Variants in FETUB observed in about 807,000 individuals in gnomAD.
The protein encoded by FETUB is fetuin B.
A neutral mutation model predicts 30.9 loss-of-function variants in FETUB; 28 were observed. That is an observed-to-expected ratio of 0.90 (90% CI 0.67 to 1.24). The LOEUF is 1.24. Ranked by LOEUF, FETUB falls within the 50% of genes most tolerant of loss-of-function variation. The pLI is 0.00. For synonymous variants in FETUB, 186 were observed against 175.9 expected, an observed-to-expected ratio of 1.06 and a Z score of -0.45; for missense variants, 469 against 455.3, an observed-to-expected ratio of 1.03 and a Z score of -0.27.
At chr3:186,640,973 C>T in intron 1 of FETUB, 57 bp from the exon 2 acceptor site, 8 of 1,149,714 alleles carry the variant, frequency 7.0e-6, no homozygotes, top group Admixed American at 1.9e-5. Context: ...TTTGTGTGGT[C>T]TTTCTAGGTT....
chr3:186,646,407 T>C, intron 5 of FETUB, 58 bp downstream of exon 5: 1 of 1,285,464 alleles, frequency 7.8e-7, no homozygotes, highest in Non-Finnish European at 1.1e-6. Context: ...TCTAAGTGTT[T>C]GTGGAGCATA....
At chr3:186,651,444 A>C in intron 6 of FETUB, 143 bp downstream of exon 6, 1 of 650,566 alleles carries the variant, frequency 1.5e-6, no homozygotes, top group Admixed American at 2.3e-5. Context: ...CCACATCCAC[A>C]GGATAGCCAG....
chr3:186,651,884 A>T, intron 6 of FETUB: 1 of 171,150 alleles, frequency 5.8e-6, no homozygotes, highest in Non-Finnish European at 1.3e-5. Context: ...GTGAGAAGCA[A>T]GTGAAAGGAC....
rs1460673430 is a variant in FETUB at position 186,652,847 on chromosome 3, G to C, written c.*216G>C. 5 of 495,314 alleles carry C rather than the reference G, an allele frequency of 1.0e-5. No homozygotes were observed. The highest frequency in any genetic ancestry group is 1.7e-5 in the Non-Finnish European group (5 of 286,220). The allele number at this position is 495,314 out of a possible 1,614,324, so 30.7% of individuals were successfully genotyped here. ...TACCCTGTACACTGCCTTGTACCCTGAGCTGCATCACCTCCTAAACTGAGC... is the reference window on the plus strand; with the variant it reads ...TACCCTGTACACTGCCTTGTACCCTCAGCTGCATCACCTCCTAAACTGAGC... On this transcript the variant is annotated 3_prime_UTR_variant, in exon 7 of 7. Transcript: ENST00000265029.
chr3:186,641,620 T>C (rs1717064268), intron 2 of FETUB: 1 of 152,834 alleles, frequency 6.5e-6, no homozygotes, highest in Admixed American at 6.5e-5. Flanking sequence ...CGTGTAAGGA[T>C]TTCCTGAAAC....
In FETUB at chr3:186,652,200, TG is replaced by T. The variant is rs1718102382; in HGVS notation, c.781-61del. 19 of 1,506,984 alleles carry T rather than the reference TG, an allele frequency of 1.3e-5. No homozygotes were observed. In the South Asian group the frequency reaches 2.1e-4, roughly 16 times the overall value. The allele number at this position is 1,506,984 out of a possible 1,614,324, so 93.4% of individuals were successfully genotyped here. On this transcript the variant is annotated intron_variant, in intron 6 of 6. Transcript: ENST00000265029. Reference sequence around the variant, plus strand: ...CAGAAAGGCACAGATCAGCTTAGGCTGGTACTAGGCATGGGAGGACTTTCCC... The same window carrying T: ...CAGAAAGGCACAGATCAGCTTAGGCTGTACTAGGCATGGGAGGACTTTCCC...
chr3:186,640,363 G>C, upstream of FETUB: 5 of 902,924 alleles, frequency 5.5e-6, no homozygotes, highest in South Asian at 7.3e-5. Flanking sequence ...CCTTCCAGTT[G>C]TAACAAAACC....
chr3:186,651,304 AT>A lies in FETUB; in HGVS notation c.780+8del. 1 of 1,591,748 alleles carries A rather than the reference AT, an allele frequency of 6.3e-7. No homozygotes were observed. The highest frequency in any genetic ancestry group is 1.3e-5 in the African/African-American group (1 of 74,646). On this transcript the variant is annotated splice_donor_region_variant and intron_variant, in intron 6 of 6. Coordinates refer to ENST00000265029, the MANE Select transcript of FETUB (RefSeq NM_014375.3). The stretch of plus-strand genomic sequence containing the variant: ...CTTGTGACTTCTTTGAATCACAGGT[AT>A]TTTTCAATCTAATTGCCTGTCTTTC...
At chr3:186,648,801 T>C (rs1008617992) in intron 5 of FETUB, among the ~76,000 whole-genome samples, 1 of 152,246 alleles carries the variant, frequency 6.6e-6, no homozygotes, top group Non-Finnish European at 1.5e-5. Context: ...TTTGGATTGT[T>C]CATTGAAAGT....
intron 5 of FETUB, among the ~76,000 whole-genome samples, chr3:186,650,171 G>C (rs559587246): frequency 8.7e-4 from 14 of 16,162 alleles, no homozygotes; most frequent in South Asian, 5.1e-3. Context: ...TGGCGGGGGT[G>C]GGGGGGGGGG....
intron 4 of FETUB, among the ~76,000 whole-genome samples, chr3:186,645,203 G>A (rs1717403681): frequency 6.6e-6 from 1 of 152,114 alleles, no homozygotes; most frequent in Non-Finnish European, 1.5e-5. Flanking sequence ...TTATCCATAC[G>A]TTCACCACTC....
chr3:186,639,365 A>AAG (rs1440825906), upstream of FETUB, among the ~76,000 whole-genome samples: 3 of 152,222 alleles, frequency 2.0e-5, no homozygotes, highest in African/African-American at 7.2e-5. Context: ...AGAAGGATTC[A>AAG]GCAGTTCCTA....
In FETUB at chr3:186,652,946, A is replaced by T; in HGVS notation, c.*315A>T. ...TTATAAAGATACTTATCTTTTCAGC[A>T]GTATATATGTGCTGAAATCTCAGCA... On this transcript the variant is annotated 3_prime_UTR_variant, in exon 7 of 7. Coordinates refer to ENST00000265029, the MANE Select transcript of FETUB (RefSeq NM_014375.3). 4.3e-6 allele frequency: 1 copy of T among 232,086 alleles called. No individual in the cohort carries two copies. The highest frequency in any genetic ancestry group is 8.4e-6 in the Non-Finnish European group (1 of 119,032). The allele number at this position is 232,086 out of a possible 1,614,324, so 14.4% of individuals were successfully genotyped here.
intron 5 of FETUB, chr3:186,647,073 T>G (rs569454054): frequency 1.3e-5 from 2 of 152,392 alleles, no homozygotes; most frequent in South Asian, 4.1e-4. Context: ...TTGCCTATTC[T>G]GGACATTTCA....
At chr3:186,638,320 C>T (rs1716834992), upstream of FETUB, among the ~76,000 whole-genome samples, 1 of 152,104 alleles carries the variant, frequency 6.6e-6, no homozygotes, top group Non-Finnish European at 1.5e-5. Flanking sequence ...CACAAGTGTA[C>T]CTGGGTTGGG....
In FETUB at chr3:186,642,479, T is replaced by G; in HGVS notation, c.345T>G (p.Gly115=). The G allele has an allele frequency of 6.3e-7, 1 of 1,597,598 alleles. No homozygotes were observed. Among genetic ancestry groups the G allele is most frequent in the Admixed American group, 1.7e-5 (1 of 59,560 alleles). Residue 115 remains glycine, a synonymous_variant, in exon 3 of 7, where the codon GGT becomes GGG. Transcript: ENST00000265029. The stretch of plus-strand genomic sequence containing the variant: ...GCATTTGTTGGTTTCAGGTTTATGG[T>G]CAATGCAAAGCAATATTTTATATGA... ...GMRIFFESVY[G]QCKAIFYMNN...
rs748019543 is a variant in FETUB, at chr3:186,652,388, A to T, written c.906A>T (p.Gly302=). 5 of 1,601,298 alleles carry T rather than the reference A, an allele frequency of 3.1e-6. No homozygotes were observed. In the African/African-American group the frequency reaches 6.7e-5, roughly 22 times the overall value. The change falls in exon 7 of 7, where the codon GGA becomes GGT. Residue 302 remains glycine (G), a synonymous_variant. Coordinates refer to ENST00000265029, the MANE Select transcript of FETUB (RefSeq NM_014375.3). ...CCCCCTCCAAAGCTGGGCCAAGAGGATCTGTCCAATATCTTCCTGACTTGG... is the reference window on the plus strand; with the variant it reads ...CCCCCTCCAAAGCTGGGCCAAGAGGTTCTGTCCAATATCTTCCTGACTTGG... ...TDSPSKAGPR[G]SVQYLPDLDD...
intron 2 of FETUB, chr3:186,641,964 T>C (rs1032250672): frequency 1.3e-5 from 2 of 153,304 alleles, no homozygotes; most frequent in Non-Finnish European, 2.9e-5. Context: ...TCTAACATGA[T>C]AGAAGTTCAT....
chr3:186,645,049 C>T, intron 4 of FETUB, 129 bp downstream of exon 4: 1 of 648,078 alleles, frequency 1.5e-6, no homozygotes, highest in Non-Finnish European at 2.6e-6. Context: ...TCTACTTTCC[C>T]CACTTTGATA....
Sources: gnomAD v4.1 joint callset for allele counts (sites outside exome capture counted in the v4.1 genomes callset) on GRCh38, gnomAD v4.1.1 for gene constraint, MANE v1.5 for transcripts, NCBI Gene and HGNC (gene_info 2026-07-23, HGNC 2026-07-21) for gene names.